The following GRIP1 variants were observed in gnomAD, a reference collection of about 807,000 sequenced individuals.
GRIP1 encodes the protein glutamate receptor-interacting protein 1.
Under a neutral mutation model 129.9 loss-of-function variants are expected in GRIP1, and 45 were observed. The observed-to-expected ratio is 0.35, with a 90% CI of 0.27 to 0.44. The LOEUF is 0.44. GRIP1 is among the 20% of genes least tolerant of loss of function. The pLI is 1.00. For missense variants in GRIP1, 1,196 were observed against 1,396.8 expected (o/e 0.86, Z 2.29); for synonymous variants, 530 against 520.8 (o/e 1.02, Z -0.24).
intron 1 of GRIP1, among the ~76,000 whole-genome samples, chr12:66,666,831 T>G (rs530750227): frequency 2.6e-5 from 4 of 152,260 alleles, no homozygotes; most frequent in African/African-American, 9.6e-5. Context: ...TGCTCACCCT[T>G]GATAGACATT....
chr12:66,826,834 G>A (rs2039422026), intron 1 of GRIP1, among the ~76,000 whole-genome samples: 1 of 151,868 alleles, frequency 6.6e-6, no homozygotes, highest in African/African-American at 2.4e-5. Flanking sequence ...TAGATCACAG[G>A]CTCAATTCCT....
At chr12:66,786,033 T>C (rs940608252) in intron 1 of GRIP1, among the ~76,000 whole-genome samples, 1 of 152,142 alleles carries the variant, frequency 6.6e-6, no homozygotes, top group Admixed American at 6.6e-5. Context: ...CAGTGAGATA[T>C]GACTGCACCA....
At chr12:66,656,843 A>C (rs2033188967) in intron 1 of GRIP1, among the ~76,000 whole-genome samples, 1 of 152,206 alleles carries the variant, frequency 6.6e-6, no homozygotes, top group African/African-American at 2.4e-5. Context: ...TGCAGTATTT[A>C]CATGAACTTT....
intron 1 of GRIP1, among the ~76,000 whole-genome samples, chr12:66,853,796 T>C (rs1223245434): frequency 6.6e-6 from 1 of 152,116 alleles, no homozygotes; most frequent in Non-Finnish European, 1.5e-5. Context: ...GATATAAATA[T>C]CTGAAGTTCA....
chr12:66,573,050 C>T (rs568142273), intron 2 of GRIP1, among the ~76,000 whole-genome samples: 13 of 151,904 alleles, frequency 8.6e-5, no homozygotes, highest in African/African-American at 3.1e-4. Flanking sequence ...CGACTATGCA[C>T]ATATAACATA....
At chr12:66,436,279 G>A (rs1359700970) in intron 13 of GRIP1, among the ~76,000 whole-genome samples, 6 of 152,128 alleles carry the variant, frequency 3.9e-5, no homozygotes, top group Non-Finnish European at 8.8e-5. Flanking sequence ...CACCCTTTGT[G>A]AGGAACGTGA....
chr12:66,809,692 G>C (rs1370067980), intron 1 of GRIP1, among the ~76,000 whole-genome samples: 1 of 149,770 alleles, frequency 6.7e-6, no homozygotes, highest in Non-Finnish European at 1.5e-5. Flanking sequence ...CAGAATCTTG[G>C]TGTGTTGCCC....
At chr12:66,542,003 T>C in intron 2 of GRIP1, 53 bp from the exon 3 acceptor site, 1 of 1,508,492 alleles carries the variant, frequency 6.6e-7, no homozygotes, top group Non-Finnish European at 9.2e-7. Context: ...ATCACCAATG[T>C]CATTTCTCCT....
At chr12:67,054,669 CAGG>C (rs1202936764) in intron 1 of GRIP1, among the ~76,000 whole-genome samples, 1 of 151,096 alleles carries the variant, frequency 6.6e-6, no homozygotes, top group Non-Finnish European at 1.5e-5. Flanking sequence ...AAGGCTGAGA[CAGG>C]AGAATTGCTT....
intron 1 of GRIP1, among the ~76,000 whole-genome samples, chr12:66,665,390 A>T (rs1298058658): frequency 1.3e-5 from 2 of 152,244 alleles, no homozygotes; most frequent in African/African-American, 4.8e-5. Flanking sequence ...GTTTTCAGAA[A>T]GTGAACATAC....
chr12:66,952,589 A>G (rs2041775182), intron 1 of GRIP1, among the ~76,000 whole-genome samples: 1 of 152,200 alleles, frequency 6.6e-6, no homozygotes, highest in African/African-American at 2.4e-5. Flanking sequence ...TATTGATCAT[A>G]TCACCTTGCT....
intron 1 of GRIP1, among the ~76,000 whole-genome samples, chr12:66,690,176 TC>T (rs1312401245): frequency 6.6e-6 from 1 of 152,132 alleles, no homozygotes; most frequent in African/African-American, 2.4e-5. Flanking sequence ...TGCCTTGGTC[TC>T]CTGAAGTGCT....
rs558464608 is a variant in GRIP1, at chr12:66,776,752, A to T, written c.-420+27301T>A. 9.7e-4 allele frequency among the ~76,000 whole-genome samples: 147 copies of T among 152,328 alleles called. 1 individual carries two copies. Among genetic ancestry groups the T allele is most frequent in the African/African-American group, 3.4e-3 (141 of 41,584 alleles). ...GATTGCTCAAAGTGACGCCAATAAG[A>T]GAATACTTTTGCTTATTAGATTGGC... On this transcript the variant is annotated intron_variant, in intron 1 of 4. Coordinates refer to the GRIP1 transcript ENST00000538373.
chr12:66,721,300 CAG>C (rs1592775983), intron 1 of GRIP1, among the ~76,000 whole-genome samples: 2 of 151,852 alleles, frequency 1.3e-5, no homozygotes, highest in East Asian at 1.9e-4. Context: ...TTAATTGAGA[CAG>C]AGTCTCACTC....
intron 1 of GRIP1, among the ~76,000 whole-genome samples, chr12:66,746,027 A>C (rs2036933772): frequency 6.6e-6 from 1 of 152,174 alleles, no homozygotes; most frequent in Non-Finnish European, 1.5e-5. Context: ...TTAGCTTAGG[A>C]TATTTCACAA....
At position 66,884,257 on chromosome 12, in the gene GRIP1, G is replaced by A. The variant is rs142911911; in HGVS notation, c.58+184793C>T. 1.0e-3 allele frequency among the ~76,000 whole-genome samples: 157 copies of A among 152,316 alleles called. 2 individuals are homozygous for A. The highest frequency in any genetic ancestry group is 3.7e-3 in the African/African-American group (152 of 41,558). ...TGCTAGCAACAGGGAACTGAGATCC[G>A]CACTTCCCGCTGCTGTGTTAGAACT... On this transcript the variant is annotated intron_variant, in intron 1 of 1. Transcript: ENST00000643019.
intron 1 of GRIP1, among the ~76,000 whole-genome samples, chr12:66,891,687 G>A (rs189326272): frequency 7.2e-5 from 11 of 152,262 alleles, no homozygotes; most frequent in Admixed American, 2.6e-4. Flanking sequence ...AATTAAATCA[G>A]TAGGAAGAAA....
At chr12:66,714,509 A>C (rs1471338079) in intron 1 of GRIP1, among the ~76,000 whole-genome samples, 1 of 152,058 alleles carries the variant, frequency 6.6e-6, no homozygotes, top group Non-Finnish European at 1.5e-5. Flanking sequence ...AATACATTGC[A>C]TAATCTCAAT....
At chr12:66,375,468 T>C (rs191520539) in intron 22 of GRIP1, among the ~76,000 whole-genome samples, 96 of 152,342 alleles carry the variant, frequency 6.3e-4, no homozygotes, top group Non-Finnish European at 1.1e-3. Context: ...CTAATATTTT[T>C]TGTATAATAG....
Sources: allele counts gnomAD v4.1 joint callset (sites outside exome capture counted in the v4.1 genomes callset), GRCh38; gene constraint gnomAD v4.1.1; transcripts MANE v1.5; gene names NCBI Gene and HGNC (gene_info 2026-07-23, HGNC 2026-07-21).